The following PARD3B variants were observed in gnomAD, a reference collection of about 807,000 sequenced individuals.
PARD3B encodes partitioning defective 3 homolog B.
A neutral mutation model predicts 130.2 loss-of-function variants in PARD3B; 103 were observed. The ratio of observed to expected loss-of-function variants is 0.79; its 90% confidence interval spans 0.67 to 0.93. PARD3B has a LOEUF of 0.93. Among genes scored for constraint, PARD3B ranks in the 40% least tolerant of loss-of-function variants. The pLI, the probability that PARD3B is intolerant of heterozygous loss-of-function variation, is 0.00. For missense variants in PARD3B, 1,609 were observed against 1,499.2 expected, an observed-to-expected ratio of 1.07 and a Z score of -1.21; for synonymous variants, 583 against 553.2, an observed-to-expected ratio of 1.05 and a Z score of -0.76.
chr2:204,779,741 C>G (rs573088992), intron 2 of PARD3B, among the ~76,000 whole-genome samples: 1 of 152,076 alleles, frequency 6.6e-6, no homozygotes, highest in East Asian at 1.9e-4. Flanking sequence ...GGATGGTATT[C>G]GAGGCCAGGT....
chr2:204,596,633 T>G (rs1471283051), intron 1 of PARD3B, among the ~76,000 whole-genome samples: 1 of 152,148 alleles, frequency 6.6e-6, no homozygotes, highest in Non-Finnish European at 1.5e-5. Context: ...TAATCTTTCA[T>G]GTAAGCTAAA....
intron 21 of PARD3B, among the ~76,000 whole-genome samples, chr2:205,501,371 A>T (rs1025461863): frequency 6.6e-6 from 1 of 152,188 alleles, no homozygotes; most frequent in Non-Finnish European, 1.5e-5. Context: ...ATTAAACAGA[A>T]TGACACCTAG....
At chr2:205,233,827 C>T (rs575353293) in intron 15 of PARD3B, among the ~76,000 whole-genome samples, 2 of 152,118 alleles carry the variant, frequency 1.3e-5, no homozygotes, top group African/African-American at 4.8e-5. Context: ...TTATTAGATA[C>T]TGTACTGAAA....
chr2:205,571,407 T>C (rs1366670466), intron 22 of PARD3B, among the ~76,000 whole-genome samples: 1 of 152,252 alleles, frequency 6.6e-6, no homozygotes, highest in Non-Finnish European at 1.5e-5. Context: ...TTAGGCTTAA[T>C]GCTGAAAGGC....
At chr2:205,374,701 C>G (rs1010722332) in intron 18 of PARD3B, among the ~76,000 whole-genome samples, 12 of 152,052 alleles carry the variant, frequency 7.9e-5, no homozygotes, top group African/African-American at 2.7e-4. Context: ...CATAATACTC[C>G]ATCAGGTGGA....
chr2:205,338,630 T>C (rs562204948), intron 18 of PARD3B, among the ~76,000 whole-genome samples: 1 of 152,346 alleles, frequency 6.6e-6, no homozygotes, highest in East Asian at 1.9e-4. Flanking sequence ...TTGTAATTAC[T>C]TCTGCTTAAT....
At chr2:204,609,951 A>ATATG (rs2033863741) in intron 1 of PARD3B, among the ~76,000 whole-genome samples, 1 of 152,154 alleles carries the variant, frequency 6.6e-6, no homozygotes, top group African/African-American at 2.4e-5. Flanking sequence ...TCAAATAAAT[A>ATATG]TATGTTGAAG....
At chr2:205,483,676 T>C (rs2049327677) in intron 20 of PARD3B, among the ~76,000 whole-genome samples, 2 of 152,200 alleles carry the variant, frequency 1.3e-5, no homozygotes. Flanking sequence ...GAGGAAATGA[T>C]TCCCTTTTTT....
intron 2 of PARD3B, among the ~76,000 whole-genome samples, chr2:204,707,413 G>A (rs1407279893): frequency 1.3e-5 from 2 of 151,972 alleles, no homozygotes. Flanking sequence ...CAACTTTTTG[G>A]CTTCTATTTT....
At chr2:205,596,748 T>C (rs1412612769) in intron 22 of PARD3B, among the ~76,000 whole-genome samples, 2 of 152,050 alleles carry the variant, frequency 1.3e-5, no homozygotes, top group Admixed American at 6.6e-5. Flanking sequence ...TAGGGTACCG[T>C]AATCCAAATA....
intron 1 of PARD3B, among the ~76,000 whole-genome samples, chr2:204,547,482 T>C (rs1021547126): frequency 4.6e-5 from 7 of 152,238 alleles, no homozygotes; most frequent in African/African-American, 1.7e-4. Context: ...TGTGTGTGTG[T>C]GCACGTGCAT....
chr2:205,224,517 A>G (rs900291964), intron 15 of PARD3B, among the ~76,000 whole-genome samples: 1 of 149,332 alleles, frequency 6.7e-6, no homozygotes, highest in Admixed American at 6.7e-5. Context: ...CATCATTCCC[A>G]CTTCCCCACC....
chr2:204,635,559 C>T (rs1245247562), intron 1 of PARD3B, among the ~76,000 whole-genome samples: 1 of 152,108 alleles, frequency 6.6e-6, no homozygotes, highest in African/African-American at 2.4e-5. Flanking sequence ...AGGTAGAGCA[C>T]TGTTTCACAA....
rs551280112 is a variant in PARD3B at position 204,756,230 on chromosome 2, A to T, written c.222+69948A>T. The stretch of plus-strand genomic sequence containing the variant: ...AAATATGGAATAAAAACATCTTTTT[A>T]TGGACAGTAGATTGACTCTTTTTTA... On this transcript the variant is annotated intron_variant, in intron 2 of 22. Transcript: ENST00000406610. Among the ~76,000 whole-genome samples, 70 of 152,248 alleles carry T rather than the reference A, an allele frequency of 4.6e-4. 1 individual carries two copies. Among genetic ancestry groups the T allele is most frequent in the African/African-American group, 1.6e-3 (65 of 41,564 alleles).
At chr2:205,383,397 C>G (rs1313585636) in intron 18 of PARD3B, among the ~76,000 whole-genome samples, 1 of 152,012 alleles carries the variant, frequency 6.6e-6, no homozygotes, top group East Asian at 1.9e-4. Flanking sequence ...AATCCATACC[C>G]TAGTACTAAG....
chr2:204,555,917 A>G (rs1327242740), intron 1 of PARD3B, among the ~76,000 whole-genome samples: 3 of 152,234 alleles, frequency 2.0e-5, no homozygotes, highest in East Asian at 1.9e-4. Context: ...AACCCTTTCT[A>G]TTGCCCTTCC....
At chr2:205,178,855 T>A (rs2035633010) in intron 13 of PARD3B, among the ~76,000 whole-genome samples, 1 of 152,216 alleles carries the variant, frequency 6.6e-6, no homozygotes. Flanking sequence ...GAAAAATTCC[T>A]AATGCTATAC....
At chr2:205,339,963 T>G (rs953820616) in intron 18 of PARD3B, among the ~76,000 whole-genome samples, 2 of 152,122 alleles carry the variant, frequency 1.3e-5, no homozygotes, top group East Asian at 3.9e-4. Flanking sequence ...AAAATGTATC[T>G]TTTTAAAATC....
At chr2:204,687,954 TC>T (rs1300240324) in intron 2 of PARD3B, among the ~76,000 whole-genome samples, 2 of 152,148 alleles carry the variant, frequency 1.3e-5, no homozygotes, top group Non-Finnish European at 2.9e-5. Flanking sequence ...AGATAATTTG[TC>T]CCATAGAGCT....
Sources: gnomAD v4.1 joint callset for allele counts (sites outside exome capture counted in the v4.1 genomes callset) on GRCh38, gnomAD v4.1.1 for gene constraint, MANE v1.5 for transcripts, NCBI Gene and HGNC (gene_info 2026-07-23, HGNC 2026-07-21) for gene names.